PCDH15: variants seen among roughly 807,000 people sequenced by gnomAD.
PCDH15 encodes the protein protocadherin-15.
PCDH15 carries 129 observed loss-of-function variants against 178.5 expected under a neutral mutation model. The ratio of observed to expected loss-of-function variants is 0.72; its 90% CI spans 0.63 to 0.84. The LOEUF is 0.84. Among genes scored for constraint, PCDH15 ranks in the 40% least tolerant of loss-of-function variants. The probability of loss-of-function intolerance (pLI) is 0.00; values close to 1 mark genes in which losing one functional copy is unlikely to be tolerated. For synonymous variants in PCDH15, 800 were observed against 732.0 expected (o/e 1.09, Z -1.50); for missense variants, 2,230 against 2,099.9 (o/e 1.06, Z -1.21).
chr10:55,486,302 T>C (rs1255905631), intron 2 of PCDH15, among the ~76,000 whole-genome samples: 4 of 151,702 alleles, frequency 2.6e-5, no homozygotes, highest in Non-Finnish European at 4.4e-5. Context: ...AGTTACTCAA[T>C]AGTGAAAAGA....
At chr10:54,922,524 A>G (rs1228202354) in intron 2 of PCDH15, among the ~76,000 whole-genome samples, 3 of 152,038 alleles carry the variant, frequency 2.0e-5, no homozygotes, top group Non-Finnish European at 4.4e-5. Flanking sequence ...TTTTGAGTTA[A>G]TGCTGGAAAG....
intron 1 of PCDH15, among the ~76,000 whole-genome samples, chr10:54,679,087 G>A (rs2094848363): frequency 6.6e-6 from 1 of 151,162 alleles, no homozygotes; most frequent in South Asian, 2.1e-4. Context: ...CTACTTGGGA[G>A]GCTGAGGCAG....
chr10:54,942,028 A>G (rs567098702), intron 2 of PCDH15, among the ~76,000 whole-genome samples: 1 of 152,104 alleles, frequency 6.6e-6, no homozygotes, highest in Non-Finnish European at 1.5e-5. Context: ...TATTTTTGAC[A>G]ATACTCTGGG....
At chr10:54,937,471 T>A (rs1837936871) in intron 2 of PCDH15, among the ~76,000 whole-genome samples, 1 of 152,018 alleles carries the variant, frequency 6.6e-6, no homozygotes, top group Admixed American at 6.5e-5. Context: ...CCCATTTATT[T>A]ATATTTTATT....
intron 7 of PCDH15, among the ~76,000 whole-genome samples, chr10:54,319,810 A>G (rs10763100): frequency 0.71 from 107,007 of 151,666 alleles, 38,505 homozygotes; most frequent in Middle Eastern, 0.82. Flanking sequence ...CTCTTGTTAA[A>G]CATGGTTAAT....
intron 1 of PCDH15, among the ~76,000 whole-genome samples, chr10:55,254,831 G>A (rs2589425): frequency 0.18 from 27,619 of 152,142 alleles, 2,701 homozygotes; most frequent in Non-Finnish European, 0.23. Flanking sequence ...CATTGCTATG[G>A]CAAGAAGACA....
intron 3 of PCDH15, among the ~76,000 whole-genome samples, chr10:54,512,344 T>C (rs1169004891): frequency 6.8e-6 from 1 of 146,638 alleles, no homozygotes; most frequent in Non-Finnish European, 1.5e-5. Context: ...GAACATGGTA[T>C]AGACATTTCT....
chr10:54,851,886 T>G (rs1953628359), intron 3 of PCDH15, among the ~76,000 whole-genome samples: 1 of 152,122 alleles, frequency 6.6e-6, no homozygotes, highest in Non-Finnish European at 1.5e-5. Flanking sequence ...TTATATAATT[T>G]AATACAAATT....
chr10:55,434,632 G>A (rs919303521), intron 2 of PCDH15, among the ~76,000 whole-genome samples: 2 of 148,690 alleles, frequency 1.3e-5, no homozygotes, highest in East Asian at 2.0e-4. Flanking sequence ...TTGAGACAGA[G>A]TCTTGCTCTG....
chr10:54,385,176 A>T (rs1949765713), intron 3 of PCDH15, among the ~76,000 whole-genome samples: 1 of 152,112 alleles, frequency 6.6e-6, no homozygotes, highest in Admixed American at 6.6e-5. Flanking sequence ...AAATTTGTAC[A>T]ATAGAAAATG....
At chr10:54,399,590 C>A (rs1349615287) in intron 3 of PCDH15, among the ~76,000 whole-genome samples, 2 of 152,020 alleles carry the variant, frequency 1.3e-5, no homozygotes, top group Non-Finnish European at 1.5e-5. Flanking sequence ...TAATGGTCTG[C>A]GGTTAGGAAA....
chr10:54,876,881 G>A (rs1043515638), intron 3 of PCDH15, among the ~76,000 whole-genome samples: 4 of 152,182 alleles, frequency 2.6e-5, no homozygotes, highest in Non-Finnish European at 5.9e-5. Context: ...AGCAGAGTTT[G>A]AGAGGATTGA....
chr10:54,895,990 G>A (rs904773261), intron 3 of PCDH15, among the ~76,000 whole-genome samples: 1 of 151,972 alleles, frequency 6.6e-6, no homozygotes, highest in Admixed American at 6.6e-5. Context: ...GGGTTCAAGC[G>A]ATCCTCCTGC....
intron 9 of PCDH15, among the ~76,000 whole-genome samples, chr10:54,215,263 C>T (rs1466641622): frequency 6.6e-6 from 1 of 151,946 alleles, no homozygotes; most frequent in Non-Finnish European, 1.5e-5. Context: ...TAAAACACAT[C>T]CAAAAAGGGG....
intron 20 of PCDH15, among the ~76,000 whole-genome samples, chr10:54,012,219 TAAG>T (rs977086220): frequency 2.6e-5 from 4 of 151,540 alleles, no homozygotes; most frequent in African/African-American, 9.7e-5. Flanking sequence ...CTGAACTAAC[TAAG>T]AAGGACAAAA....
At chr10:53,959,271 CTATA>C (rs200801544) in intron 23 of PCDH15, among the ~76,000 whole-genome samples, 7 of 146,686 alleles carry the variant, frequency 4.8e-5, no homozygotes, top group Non-Finnish European at 7.4e-5. Flanking sequence ...TATATACACA[CTATA>C]TATATACACA....
intron 16 of PCDH15, among the ~76,000 whole-genome samples, chr10:54,085,835 A>T (rs779423395): frequency 6.6e-6 from 1 of 152,188 alleles, no homozygotes; most frequent in Non-Finnish European, 1.5e-5. Context: ...AAATTTTGGC[A>T]TACTTTTATT....
intron 2 of PCDH15, among the ~76,000 whole-genome samples, chr10:55,566,440 T>C (rs933888733): frequency 1.3e-5 from 2 of 151,298 alleles, no homozygotes; most frequent in African/African-American, 2.4e-5. Context: ...CTATTCAATA[T>C]AGTACTAAAA....
At chr10:53,957,432 T>C (rs548888351) in intron 23 of PCDH15, among the ~76,000 whole-genome samples, 48 of 151,766 alleles carry the variant, frequency 3.2e-4, no homozygotes, top group Admixed American at 1.4e-3. Flanking sequence ...CCTTTATTTA[T>C]GGGGGATATA....
Sources: gnomAD v4.1 joint callset for allele counts (sites outside exome capture counted in the v4.1 genomes callset) on GRCh38, gnomAD v4.1.1 for gene constraint, MANE v1.5 for transcripts, NCBI Gene and HGNC (gene_info 2026-07-23, HGNC 2026-07-21) for gene names.